The following PCDH11X variants were observed in gnomAD, a reference collection of about 807,000 sequenced individuals.
PCDH11X encodes the protein protocadherin-11 X-linked.
Under a neutral mutation model 53.3 loss-of-function variants are expected in PCDH11X, and 18 were observed. The ratio of observed to expected loss-of-function variants is 0.34; its 90% CI spans 0.23 to 0.50. The LOEUF (loss-of-function observed/expected upper bound fraction) is 0.50, where lower values mean the gene tolerates loss of function less well. Among genes scored for constraint, PCDH11X ranks in the 20% least tolerant of loss-of-function variants. PCDH11X has a pLI of 0.98. For synonymous variants in PCDH11X, 279 were observed against 393.3 expected (o/e 0.71, Z 3.44); for missense variants, 570 against 1,032.4 (o/e 0.55, Z 6.14).
At chrX:92,331,206 T>A (rs1229312421) in intron 8 of PCDH11X, among the ~76,000 whole-genome samples, 1 of 109,859 alleles carries the variant, frequency 9.1e-6, no homozygotes, top group Non-Finnish European at 1.9e-5. Flanking sequence ...AAAACAGTAG[T>A]CATTAAATGC....
intron 4 of PCDH11X, among the ~76,000 whole-genome samples, chrX:91,828,234 C>G (rs2147603072): frequency 9.2e-6 from 1 of 108,363 alleles, no homozygotes; most frequent in Non-Finnish European, 1.9e-5. Context: ...ATTCTCCTGC[C>G]TCAGCCTCCC....
intron 1 of PCDH11X, among the ~76,000 whole-genome samples, chrX:91,802,369 C>A (rs1935964207): frequency 8.9e-6 from 1 of 111,835 alleles, no homozygotes; most frequent in Non-Finnish European, 1.9e-5. Context: ...TTTTGGATCC[C>A]CTGTTTCCTG....
At chrX:92,089,862 A>G (rs1212174841) in intron 6 of PCDH11X, among the ~76,000 whole-genome samples, 1 of 108,358 alleles carries the variant, frequency 9.2e-6, no homozygotes, top group Non-Finnish European at 1.9e-5. Context: ...GTTTAGAAGG[A>G]AATCTCCATT....
intron 6 of PCDH11X, among the ~76,000 whole-genome samples, chrX:92,130,026 T>A (rs2064943362): frequency 8.9e-6 from 1 of 111,952 alleles, no homozygotes; most frequent in Non-Finnish European, 1.9e-5. Context: ...TCTGATTTTA[T>A]TGTAATATAA....
intron 6 of PCDH11X, among the ~76,000 whole-genome samples, chrX:91,899,197 C>T (rs1328289540): frequency 9.0e-6 from 1 of 110,692 alleles, no homozygotes; most frequent in Non-Finnish European, 1.9e-5. Flanking sequence ...GTAGGGAAGT[C>T]GACAGTGCAA....
Position 92,622,894 on chromosome X carries a change from A to T in PCDH11X, c.*3954A>T, listed in dbSNP as rs1318049144. The T allele has an allele frequency of 1.8e-5, 2 of 111,742 alleles. No homozygotes were observed. Among genetic ancestry groups the T allele is most frequent in the Non-Finnish European group, 3.8e-5 (2 of 53,053 alleles). 9.2% of individuals were successfully genotyped at this position (111,742 alleles called of 1,213,427 possible). A position where few individuals can be genotyped will look rare whatever the true frequency, so the allele number is the denominator to read the frequency against. ...TGTATGTGCACAAATAAAAAAAATT[A>T]ATGGCAATTGTTTAGTGATTGTAAG... On this transcript the variant is annotated 3_prime_UTR_variant, in exon 11 of 11. Coordinates refer to ENST00000682573, the MANE Select transcript of PCDH11X (RefSeq NM_032968.5).
At chrX:92,306,533 T>C (rs949860295) in intron 8 of PCDH11X, among the ~76,000 whole-genome samples, 1 of 106,100 alleles carries the variant, frequency 9.4e-6, no homozygotes, top group Non-Finnish European at 1.9e-5. Context: ...TTAATTAATA[T>C]CAGAAATGAA....
At chrX:91,977,345 G>A (rs2062060431) in intron 6 of PCDH11X, among the ~76,000 whole-genome samples, 1 of 111,971 alleles carries the variant, frequency 8.9e-6, no homozygotes, top group African/African-American at 3.2e-5. Context: ...ATAGATAACT[G>A]TACAAATAAA....
At chrX:92,238,998 AAT>A (rs1603224542) in intron 7 of PCDH11X, among the ~76,000 whole-genome samples, 1 of 111,165 alleles carries the variant, frequency 9.0e-6, no homozygotes, top group African/African-American at 3.3e-5. Context: ...ATGTCTTTGA[AAT>A]ATGTTTTACC....
chrX:91,792,011 G>A (rs371427967), intron 1 of PCDH11X, among the ~76,000 whole-genome samples: 1,210 of 109,189 alleles, frequency 0.011, 18 homozygotes, highest in African/African-American at 0.038. Flanking sequence ...ACAGGCGCCC[G>A]CCACCGCGCC....
chrX:91,916,310 G>A (rs1164385322), intron 6 of PCDH11X, among the ~76,000 whole-genome samples: 2 of 109,926 alleles, frequency 1.8e-5, no homozygotes, highest in African/African-American at 6.6e-5. Context: ...CCAGCAGAAG[G>A]AAAGAAATAA....
At chrX:92,524,554 C>A (rs2148719563) in intron 10 of PCDH11X, among the ~76,000 whole-genome samples, 1 of 104,151 alleles carries the variant, frequency 9.6e-6, no homozygotes, top group South Asian at 4.8e-4. Flanking sequence ...TTGTCAGTAA[C>A]CCCATCCCTA....
intron 8 of PCDH11X, among the ~76,000 whole-genome samples, chrX:92,287,463 T>G (rs1316282434): frequency 2.7e-5 from 3 of 111,008 alleles, no homozygotes; most frequent in Non-Finnish European, 5.7e-5. Flanking sequence ...CTGTGTTAGC[T>G]TCTTTTTCAC....
At chrX:91,880,885 A>G (rs1338394359) in intron 6 of PCDH11X, among the ~76,000 whole-genome samples, 3 of 109,007 alleles carry the variant, frequency 2.8e-5, no homozygotes, top group Admixed American at 9.9e-5. Context: ...TATTCTGCTT[A>G]TTGGATAAGT....
chrX:91,942,074 G>A (rs1449032620), intron 6 of PCDH11X, among the ~76,000 whole-genome samples: 1 of 109,517 alleles, frequency 9.1e-6, no homozygotes, highest in African/African-American at 3.3e-5. Flanking sequence ...TTTATTAGAA[G>A]CAATGACCTC....
chrX:92,263,112 A>G lies in PCDH11X; in HGVS notation c.3115-2A>G. Reference sequence around the variant, plus strand: ...CCTTGCCTCCATTTTATCCTAAATCAGCGGAAATCTGAAGGGAAAGTGGCA... The same window carrying G: ...CCTTGCCTCCATTTTATCCTAAATCGGCGGAAATCTGAAGGGAAAGTGGCA... On this transcript the variant is annotated splice_acceptor_variant, in intron 7 of 10. Coordinates refer to ENST00000682573, the MANE Select transcript of PCDH11X (RefSeq NM_032968.5). LOFTEE classifies it high-confidence loss of function. 2 of 1,185,814 alleles carry G rather than the reference A, an allele frequency of 1.7e-6. No individual in the cohort carries two copies. Among genetic ancestry groups the G allele is most frequent in the Non-Finnish European group, 2.3e-6 (2 of 879,877 alleles).
chrX:91,796,940 G>A (rs1025324214), intron 1 of PCDH11X, among the ~76,000 whole-genome samples: 1 of 111,282 alleles, frequency 9.0e-6, no homozygotes, highest in Non-Finnish European at 1.9e-5. Flanking sequence ...TAACCAGAAT[G>A]CGAAATATAA....
chrX:91,973,438 TAA>T lies in PCDH11X; in HGVS notation c.3033+94176_3033+94177del, dbSNP rs1276150882. Reference sequence around the variant, plus strand: ...ATGTACCCTAAAACTTAAAGTATAATAAAAAAAAAAAATTAAAAAAAAAAAAA... The same window carrying T: ...ATGTACCCTAAAACTTAAAGTATAATAAAAAAAAAATTAAAAAAAAAAAAA... On this transcript the variant is annotated intron_variant, in intron 6 of 10. Transcript: ENST00000682573. Among the ~76,000 whole-genome samples, 8 of 67,807 alleles carry T rather than the reference TAA, an allele frequency of 1.2e-4. No homozygotes were observed. The South Asian group carries it at 1.9e-3, about 16-fold the overall frequency. The allele number at this position is 67,807 out of a possible 115,157, so 58.9% of individuals were successfully genotyped here.
At chrX:91,927,332 C>T (rs1183709913) in intron 6 of PCDH11X, among the ~76,000 whole-genome samples, 1 of 109,379 alleles carries the variant, frequency 9.1e-6, no homozygotes, top group Non-Finnish European at 1.9e-5. Context: ...AAGTGCTTTA[C>T]ATGGGTTAAC....
Sources: allele counts gnomAD v4.1 joint callset (sites outside exome capture counted in the v4.1 genomes callset), GRCh38; gene constraint gnomAD v4.1.1; transcripts MANE v1.5; gene names NCBI Gene and HGNC (gene_info 2026-07-23, HGNC 2026-07-21).